FAM227B: variants seen among roughly 807,000 people sequenced by gnomAD.
FAM227B encodes family with sequence similarity 227 member B.
A neutral mutation model predicts 73.8 loss-of-function variants in FAM227B; 88 were observed. That is an observed-to-expected ratio of 1.19 (90% CI 1.00 to 1.42). The LOEUF is 1.42. Ranked by LOEUF, FAM227B falls within the 40% of genes most tolerant of loss-of-function variation. FAM227B has a pLI of 0.00. For missense variants in FAM227B, 632 were observed against 590.9 expected (o/e 1.07, Z -0.72); for synonymous variants, 210 against 190.5 (o/e 1.10, Z -0.84).
intron 11 of FAM227B, among the ~76,000 whole-genome samples, chr15:49,425,945 C>T (rs1441393411): frequency 6.6e-6 from 1 of 151,378 alleles, no homozygotes; most frequent in East Asian, 1.9e-4. Flanking sequence ...ATATAAGCAA[C>T]AGAATTTGGC....
rs761035687 is a variant in FAM227B at position 49,412,643 on chromosome 15, T to C, written c.1013-41244A>G. 3.9e-5 allele frequency among the ~76,000 whole-genome samples: 6 copies of C among 152,062 alleles called. No individual in the cohort carries two copies. In the East Asian group the frequency reaches 7.7e-4, roughly 20 times the overall value. ...GTTTTCACAATAACGTCCCATGATA[T>C]AGTTTGACTTCCGATATCATGTATT... On this transcript the variant is annotated intron_variant, in intron 11 of 15. Coordinates refer to ENST00000299338, the MANE Select transcript of FAM227B (RefSeq NM_152647.3).
intron 9 of FAM227B, among the ~76,000 whole-genome samples, chr15:49,564,839 A>G (rs1042454765): frequency 4.0e-5 from 6 of 151,842 alleles, no homozygotes; most frequent in Non-Finnish European, 5.9e-5. Context: ...GGACTACTAG[A>G]TAGAAGAGGG....
At chr15:49,522,641 G>T (rs998109825) in intron 10 of FAM227B, among the ~76,000 whole-genome samples, 1 of 151,896 alleles carries the variant, frequency 6.6e-6, no homozygotes, top group East Asian at 1.9e-4. Context: ...TCAAAATACA[G>T]TTTAAAGCTT....
At chr15:49,428,851 T>G (rs1484149451) in intron 11 of FAM227B, among the ~76,000 whole-genome samples, 1 of 152,040 alleles carries the variant, frequency 6.6e-6, no homozygotes, top group African/African-American at 2.4e-5. Flanking sequence ...AACTGGCCAA[T>G]GATTTGGCAA....
At chr15:49,617,288 T>C (rs1299092988) in intron 1 of FAM227B, among the ~76,000 whole-genome samples, 1 of 152,096 alleles carries the variant, frequency 6.6e-6, no homozygotes, top group Non-Finnish European at 1.5e-5. Context: ...ACAGACAATG[T>C]GGGGAACAGA....
intron 9 of FAM227B, among the ~76,000 whole-genome samples, chr15:49,550,856 C>A (rs562920987): frequency 6.6e-6 from 1 of 151,858 alleles, no homozygotes; most frequent in Non-Finnish European, 1.5e-5. Flanking sequence ...CAGGCAGAGA[C>A]GCTCCTCACT....
chr15:49,561,184 C>T (rs1351975910), intron 9 of FAM227B, among the ~76,000 whole-genome samples: 6 of 152,028 alleles, frequency 3.9e-5, no homozygotes. Flanking sequence ...AAAGATCTAC[C>T]ATGCAAAGGG....
At chr15:49,483,618 A>C (rs1398974136) in intron 11 of FAM227B, among the ~76,000 whole-genome samples, 1 of 152,006 alleles carries the variant, frequency 6.6e-6, no homozygotes. Flanking sequence ...CTGACATGAA[A>C]ATTCTTGGGA....
chr15:49,360,728 T>G (rs1460731852), intron 13 of FAM227B, among the ~76,000 whole-genome samples: 1 of 152,186 alleles, frequency 6.6e-6, no homozygotes, highest in African/African-American at 2.4e-5. Context: ...AAGTTTTTAA[T>G]AAAACTCCAA....
intron 9 of FAM227B, among the ~76,000 whole-genome samples, chr15:49,548,090 T>C (rs1460247020): frequency 6.6e-6 from 1 of 152,226 alleles, no homozygotes; most frequent in Admixed American, 6.5e-5. Context: ...ATCCTTGTCA[T>C]GTTCCAGATC....
intron 13 of FAM227B, among the ~76,000 whole-genome samples, chr15:49,347,059 C>T (rs2041610758): frequency 1.3e-5 from 2 of 152,104 alleles, no homozygotes; most frequent in Admixed American, 1.3e-4. Context: ...TTCTAAATGG[C>T]CTAGAATTAT....
At chr15:49,440,115 G>A (rs879855751) in intron 11 of FAM227B, among the ~76,000 whole-genome samples, 7 of 151,750 alleles carry the variant, frequency 4.6e-5, no homozygotes, top group African/African-American at 1.5e-4. Flanking sequence ...ATGACATCAC[G>A]AATTAGTGGC....
At chr15:49,377,177 T>C (rs1349424611) in intron 11 of FAM227B, among the ~76,000 whole-genome samples, 3 of 152,084 alleles carry the variant, frequency 2.0e-5, no homozygotes, top group East Asian at 3.9e-4. Context: ...GTTTCTTCCA[T>C]GTTGTTGCAA....
chr15:49,512,642 T>C (rs1435044728), intron 10 of FAM227B, among the ~76,000 whole-genome samples: 1 of 152,188 alleles, frequency 6.6e-6, no homozygotes, highest in East Asian at 1.9e-4. Flanking sequence ...GTTTGTTACA[T>C]AGGTATACAT....
intron 11 of FAM227B, among the ~76,000 whole-genome samples, chr15:49,465,699 A>G (rs1224390249): frequency 6.6e-6 from 1 of 152,224 alleles, no homozygotes; most frequent in East Asian, 1.9e-4. Context: ...TATTTAAATT[A>G]ACCAAGGAAT....
chr15:49,411,700 T>G (rs2048882490), intron 11 of FAM227B, among the ~76,000 whole-genome samples: 1 of 152,098 alleles, frequency 6.6e-6, no homozygotes, highest in Non-Finnish European at 1.5e-5. Flanking sequence ...TAATAAATAT[T>G]ATCCTAATAA....
At position 49,476,232 on chromosome 15, in the gene FAM227B, G is replaced by GTTTTTTTTTTTTTTTTTTTTTTTTT; in HGVS notation, c.1012+31978_1012+31979insAAAAAAAAAAAAAAAAAAAAAAAAA. Among the ~76,000 whole-genome samples, 88 of 57,446 alleles carry GTTTTTTTTTTTTTTTTTTTTTTTTT rather than the reference G, an allele frequency of 1.5e-3. 21 individuals are homozygous for GTTTTTTTTTTTTTTTTTTTTTTTTT. Among genetic ancestry groups the GTTTTTTTTTTTTTTTTTTTTTTTTT allele is most frequent in the Non-Finnish European group, 2.4e-3 (67 of 27,460 alleles). 37.7% of individuals were successfully genotyped at this position (57,446 alleles called of 152,430 possible). On this transcript the variant is annotated intron_variant, in intron 11 of 15. Transcript: ENST00000299338. ...TTGCTGTTTTGTTTTTTTGTTTTTG[G>GTTTTTTTTTTTTTTTTTTTTTTTTT]TTTTTTTTTTTTTGCATTTGGCATA...
rs2037730450 is a variant in FAM227B at position 49,327,538 on chromosome 15, T to C, written c.*1030A>G. On this transcript the variant is annotated 3_prime_UTR_variant, in exon 16 of 16. Transcript: ENST00000299338. ...GTACATTTTAAATTTTGATTTGTCC[T>C]CATTTGGAGTGACCTTCTGATTCAG... The C allele has an allele frequency of 6.4e-6, 1 of 155,574 alleles. No homozygotes were observed. The highest frequency in any genetic ancestry group is 1.4e-5 in the Non-Finnish European group (1 of 70,312). The allele number at this position is 155,574 out of a possible 1,614,324, so 9.6% of individuals were successfully genotyped here. A position where few individuals can be genotyped will look rare whatever the true frequency, so the allele number is the denominator to read the frequency against.
At chr15:49,472,944 T>C (rs2054913751) in intron 11 of FAM227B, among the ~76,000 whole-genome samples, 1 of 152,194 alleles carries the variant, frequency 6.6e-6, no homozygotes, top group East Asian at 1.9e-4. Flanking sequence ...GTATCAGTTA[T>C]TTGTGATTTA....
Sources: allele counts gnomAD v4.1 joint callset (sites outside exome capture counted in the v4.1 genomes callset), GRCh38; gene constraint gnomAD v4.1.1; transcripts MANE v1.5; gene names NCBI Gene and HGNC (gene_info 2026-07-23, HGNC 2026-07-21).